Variants in FLNB observed in about 807,000 individuals in gnomAD.
FLNB encodes the protein filamin B, also known as filamin-B.
In FLNB, 111 loss-of-function variants were observed where a neutral mutation model predicts 250.6. The observed-to-expected ratio is 0.44, with a 90% CI of 0.38 to 0.52. FLNB has a LOEUF of 0.52. Among genes scored for constraint, FLNB ranks in the 20% least tolerant of loss-of-function variants. The pLI is 0.00. For synonymous variants in FLNB, 1,302 were observed against 1,372.1 expected (o/e 0.95, Z 1.13); for missense variants, 2,869 against 3,447.8 (o/e 0.83, Z 4.20).
Position 58,104,036 on chromosome 3 carries a change from G to C in FLNB, c.1561G>C (p.Gly521Arg). ...YAFEYYPSTP[G>R]RYSIAITWGG... is the part of the protein sequence containing the mutation. Reference sequence around the variant, plus strand: ...ATTCGAGTATTACCCCAGCACCCCGGGGAGATACAGCATTGCCATCACATG... The same window carrying C: ...ATTCGAGTATTACCCCAGCACCCCGCGGAGATACAGCATTGCCATCACATG... The change falls in exon 10 of 46, where the codon GGG becomes CGG. Residue 521 changes from glycine (G) to arginine (R), a missense_variant. Transcript: ENST00000295956. The C allele has an allele frequency of 6.2e-7, 1 of 1,614,006 alleles. No homozygotes were observed. Among genetic ancestry groups the C allele is most frequent in the Admixed American group, 1.7e-5 (1 of 60,014 alleles).
intron 4 of FLNB, among the ~76,000 whole-genome samples, chr3:58,094,576 C>T (rs1254869970): frequency 6.6e-6 from 1 of 152,210 alleles, no homozygotes; most frequent in East Asian, 1.9e-4. Context: ...ACTTATTAAC[C>T]ACATTATTTC....
At chr3:58,062,838 A>AAC (rs1403620797) in intron 1 of FLNB, among the ~76,000 whole-genome samples, 5 of 152,166 alleles carry the variant, frequency 3.3e-5, no homozygotes, top group Admixed American at 3.3e-4. Flanking sequence ...AGCAGTCTTG[A>AAC]ACCAGAATTG....
At chr3:58,064,097 T>C (rs957721980) in intron 1 of FLNB, among the ~76,000 whole-genome samples, 5 of 152,282 alleles carry the variant, frequency 3.3e-5, no homozygotes, top group South Asian at 4.1e-4. Flanking sequence ...AAAAGTATAA[T>C]TGGTATTCAG....
In FLNB at chr3:58,148,505, C is replaced by T. The variant is rs1023108854; in HGVS notation, c.5887+141C>T. 4.0e-5 allele frequency: 49 copies of T among 1,230,310 alleles called. No homozygotes were observed. In the African/African-American group the frequency reaches 6.6e-4, roughly 16 times the overall value. 76.2% of individuals were successfully genotyped at this position (1,230,310 alleles called of 1,614,324 possible). ...CTGGGTCACACGCACGATAAATGCC[C>T]AAGCGTATTTGTGCATTGTGATATC... On this transcript the variant is annotated intron_variant, in intron 35 of 45. Transcript: ENST00000295956.
At chr3:58,135,246 G>A (rs970352398) in intron 27 of FLNB, among the ~76,000 whole-genome samples, 3 of 152,176 alleles carry the variant, frequency 2.0e-5, no homozygotes, top group Non-Finnish European at 2.9e-5. Flanking sequence ...TAAAATAAGA[G>A]TGGCTGAAAT....
At chr3:58,126,901 C>A in intron 24 of FLNB, 139 bp downstream of exon 24, 1 of 784,214 alleles carries the variant, frequency 1.3e-6, no homozygotes, top group Non-Finnish European at 2.2e-6. Flanking sequence ...CTTAGGGCTA[C>A]ATCTCCAAGA....
At chr3:58,049,306 G>A (rs1050821315) in intron 1 of FLNB, among the ~76,000 whole-genome samples, 1 of 152,218 alleles carries the variant, frequency 6.6e-6, no homozygotes, top group Non-Finnish European at 1.5e-5. Flanking sequence ...TTGCAGCTGC[G>A]AGAAGGGCCT....
At position 58,096,339 on chromosome 3, in the gene FLNB, G is replaced by T. The variant is rs900725518; in HGVS notation, c.984+121G>T. On this transcript the variant is annotated intron_variant, in intron 6 of 45. Coordinates refer to ENST00000295956, the MANE Select transcript of FLNB (RefSeq NM_001457.4). ...TGATTTTCCTTTCTGATTATAGAAG[G>T]ATCTATGCTCATGATAGAAAATTGG... 6 of 763,878 alleles carry T rather than the reference G, an allele frequency of 7.9e-6. No homozygotes were observed. The East Asian group carries it at 1.6e-4, about 21-fold the overall frequency. 47.3% of individuals were successfully genotyped at this position (763,878 alleles called of 1,614,324 possible). A position where few individuals can be genotyped will look rare whatever the true frequency, so the allele number is the denominator to read the frequency against.
At chr3:58,059,699 C>A (rs1045763716) in intron 1 of FLNB, among the ~76,000 whole-genome samples, 1 of 152,210 alleles carries the variant, frequency 6.6e-6, no homozygotes, top group Non-Finnish European at 1.5e-5. Flanking sequence ...AGCCGATCTG[C>A]TGTGTACTTG....
Position 58,113,480 on chromosome 3 carries a change from A to G in FLNB, c.2745+1162A>G, listed in dbSNP as rs1262311403. ...AGTCAAGTGGGGAAGAAAGAGGATTATAGTGAGGAAGGGGTCATGGTGTAA... is the reference window on the plus strand; with the variant it reads ...AGTCAAGTGGGGAAGAAAGAGGATTGTAGTGAGGAAGGGGTCATGGTGTAA... On this transcript the variant is annotated intron_variant, in intron 18 of 45. Transcript: ENST00000295956. Among the ~76,000 whole-genome samples the G allele has an allele frequency of 2.0e-5, 3 of 152,208 alleles. No homozygotes were observed. In the East Asian group the frequency reaches 5.8e-4, roughly 29 times the overall value.
At chr3:58,041,200 C>G (rs1559652227) in intron 1 of FLNB, among the ~76,000 whole-genome samples, 1 of 152,186 alleles carries the variant, frequency 6.6e-6, no homozygotes, top group African/African-American at 2.4e-5. Flanking sequence ...CCTGTGGACA[C>G]AAGGATTTAA....
At chr3:58,102,425 T>C (rs1242712759) in intron 9 of FLNB, 85 bp downstream of exon 9, 4 of 1,424,150 alleles carry the variant, frequency 2.8e-6, no homozygotes, top group Non-Finnish European at 4.0e-6. Context: ...CCACGGCCAG[T>C]TGTCCTCAAT....
rs113582719 is a variant in FLNB at position 58,126,143 on chromosome 3, G to A, written c.4061+400G>A. Among the ~76,000 whole-genome samples the A allele has an allele frequency of 3.8e-3, 580 of 152,292 alleles. 5 individuals carry two copies. Among genetic ancestry groups the A allele is most frequent in the African/African-American group, 0.013 (533 of 41,562 alleles). On this transcript the variant is annotated intron_variant, in intron 23 of 45. Transcript: ENST00000295956. ...TGTAATCTCAGCACTTCAGGTGGCCGAGACGGGACAATTGCTTGAGGCCAG... is the reference window on the plus strand; with the variant it reads ...TGTAATCTCAGCACTTCAGGTGGCCAAGACGGGACAATTGCTTGAGGCCAG...
chr3:58,152,865 C>T lies in FLNB; in HGVS notation c.6368-510C>T, dbSNP rs1440279457. On this transcript the variant is annotated intron_variant, in intron 38 of 45. Transcript: ENST00000295956. ...AGTCGTTGGCATGACGTGAGCAGCT[C>T]ACGGAGAGTGATGTGGTCTTGCGTC... 37 of 573,632 alleles carry T rather than the reference C, an allele frequency of 6.5e-5. 1 individual carries two copies. The highest frequency in any genetic ancestry group is 6.3e-4 in the South Asian group (35 of 55,380). 35.5% of individuals were successfully genotyped at this position (573,632 alleles called of 1,614,324 possible).
chr3:58,108,682 G>A, intron 13 of FLNB, 111 bp downstream of exon 13: 5 of 717,562 alleles, frequency 7.0e-6, no homozygotes, highest in Non-Finnish European at 1.0e-5. Flanking sequence ...CTGCACCGTG[G>A]AAATGATAAG....
At chr3:58,120,121 G>A (rs2097286046) in intron 19 of FLNB, among the ~76,000 whole-genome samples, 1 of 152,198 alleles carries the variant, frequency 6.6e-6, no homozygotes, top group African/African-American at 2.4e-5. Flanking sequence ...CCATTAGTGA[G>A]CATCTTCCTT....
intron 1 of FLNB, among the ~76,000 whole-genome samples, chr3:58,029,542 T>C (rs2097127945): frequency 6.6e-6 from 1 of 151,640 alleles, no homozygotes; most frequent in Non-Finnish European, 1.5e-5. Flanking sequence ...TCTTGCTCTG[T>C]CGCCCAGGCT....
chr3:58,047,437 C>T (rs1031829225), intron 1 of FLNB, among the ~76,000 whole-genome samples: 2 of 152,024 alleles, frequency 1.3e-5, no homozygotes, highest in Admixed American at 6.6e-5. Flanking sequence ...TCTGGAAACC[C>T]TCACTCTTAT....
At chr3:58,154,687 G>T in intron 39 of FLNB, 104 bp from the exon 40 acceptor site, 1 of 1,253,968 alleles carries the variant, frequency 8.0e-7, no homozygotes, top group Non-Finnish European at 1.2e-6. Flanking sequence ...AGAGGAAAGG[G>T]CTAGCAACAG....
Sources: gnomAD v4.1 joint callset for allele counts (sites outside exome capture counted in the v4.1 genomes callset) on GRCh38, gnomAD v4.1.1 for gene constraint, MANE v1.5 for transcripts, NCBI Gene and HGNC (gene_info 2026-07-23, HGNC 2026-07-21) for gene names.